IKBKB: variants seen among roughly 807,000 people sequenced by gnomAD.
IKBKB encodes inhibitor of nuclear factor kappa-B kinase subunit beta.
IKBKB carries 42 observed loss-of-function variants against 113.6 expected under a neutral mutation model. The ratio of observed to expected loss-of-function variants is 0.37; its 90% CI spans 0.29 to 0.48. IKBKB has a LOEUF of 0.48. Ranked by LOEUF, IKBKB falls within the 20% of genes least tolerant of loss-of-function variation. The probability of loss-of-function intolerance (pLI) is 0.99; values close to 1 mark genes in which losing one functional copy is unlikely to be tolerated. For missense variants in IKBKB, 673 were observed against 939.7 expected, an observed-to-expected ratio of 0.72 and a Z score of 3.71; for synonymous variants, 296 against 361.3, an observed-to-expected ratio of 0.82 and a Z score of 2.05.
intron 8 of IKBKB, 23 bp downstream of exon 8, chr8:42,309,048 G>T: frequency 6.2e-7 from 1 of 1,609,118 alleles, no homozygotes. Flanking sequence ...GGGGCACCTG[G>T]ATGGAGGAGG....
At chr8:42,308,832 G>A (rs1370143409) in intron 7 of IKBKB, 69 bp from the exon 8 acceptor site, 13 of 1,500,078 alleles carry the variant, frequency 8.7e-6, no homozygotes, top group Non-Finnish European at 9.2e-6. Flanking sequence ...CAGATGGGCT[G>A]GCCGCCCCCT....
At chr8:42,303,235 G>T (rs1254342310) in intron 5 of IKBKB, among the ~76,000 whole-genome samples, 1 of 152,194 alleles carries the variant, frequency 6.6e-6, no homozygotes, top group Admixed American at 6.5e-5. Flanking sequence ...ACCTCTGAAT[G>T]TTACTGCTTT....
intron 2 of IKBKB, among the ~76,000 whole-genome samples, chr8:42,286,476 G>A (rs1470366438): frequency 1.3e-5 from 2 of 152,134 alleles, no homozygotes; most frequent in African/African-American, 2.4e-5. Flanking sequence ...TCCTCTGTGT[G>A]TCTTTTTTTG....
In IKBKB at chr8:42,272,119, C is replaced by A; in HGVS notation, c.19C>A (p.Leu7Met). Residue 7 changes from leucine (L) to methionine (M), a missense_variant, in exon 2 of 22, where the codon CTG (leucine) becomes ATG (methionine). This residue lies in a region of IKBKB where 167 missense variants were observed against 301.0 expected (regional missense o/e 0.55). Coordinates refer to ENST00000520810, the MANE Select transcript of IKBKB (RefSeq NM_001556.3). The stretch of plus-strand genomic sequence containing the variant: ...CATCAGTATGAGCTGGTCACCTTCC[C>A]TGACAACGCAGACATGTGGGGCCTG... MSWSPSLTTQTCGAWEM... is the reference protein window; with the variant it reads MSWSPSMTTQTCGAWEM... The A allele has an allele frequency of 6.2e-7, 1 of 1,614,170 alleles. No homozygotes were observed. The highest frequency in any genetic ancestry group is 8.5e-7 in the Non-Finnish European group (1 of 1,180,020).
intron 5 of IKBKB, among the ~76,000 whole-genome samples, chr8:42,302,353 A>G (rs1815395600): frequency 6.6e-6 from 1 of 152,222 alleles, no homozygotes; most frequent in Non-Finnish European, 1.5e-5. Flanking sequence ...CCTCATCTGG[A>G]CATTAATTGG....
chr8:42,272,787 G>T (rs1482009759), intron 2 of IKBKB, among the ~76,000 whole-genome samples: 1 of 151,492 alleles, frequency 6.6e-6, no homozygotes, highest in East Asian at 1.9e-4. Context: ...AAAATACAAA[G>T]AATTAGCCAG....
At position 42,313,214 on chromosome 8, in the gene IKBKB, G is replaced by T. The variant is rs576179803; in HGVS notation, c.693-1108G>T. Among the ~76,000 whole-genome samples, 6 of 152,254 alleles carry T rather than the reference G, an allele frequency of 3.9e-5. No homozygotes were observed. In the East Asian group the frequency reaches 1.2e-3, roughly 29 times the overall value. On this transcript the variant is annotated intron_variant, in intron 8 of 21. Transcript: ENST00000520810. ...CCCTATAATCCTAGCACTCTGTGAG[G>T]CCAAAGTGAGCGAATTGCTTGAGTC...
intron 12 of IKBKB, 69 bp from the exon 13 acceptor site, chr8:42,318,483 A>G: frequency 6.4e-7 from 1 of 1,557,638 alleles, no homozygotes; most frequent in East Asian, 2.3e-5. Context: ...TGTCGAAGGC[A>G]GGATATGGTT....
At chr8:42,298,332 C>A (rs2130428728) in intron 5 of IKBKB, 1 of 985,442 alleles carries the variant, frequency 1.0e-6, no homozygotes. Flanking sequence ...ATCCTGTGCT[C>A]CAGGCCTTTC....
chr8:42,279,115 G>A (rs572295226), intron 2 of IKBKB, among the ~76,000 whole-genome samples: 8 of 152,322 alleles, frequency 5.3e-5, no homozygotes, highest in Non-Finnish European at 1.2e-4. Flanking sequence ...ATGCCTACCC[G>A]TGAGCCCGGC....
chr8:42,300,865 T>C (rs1815052576), intron 5 of IKBKB, among the ~76,000 whole-genome samples: 2 of 152,180 alleles, frequency 1.3e-5, no homozygotes, highest in Non-Finnish European at 1.5e-5. Context: ...AGTTTTTGCA[T>C]TTTTCTAGAG....
chr8:42,282,033 A>G (rs1373145281), intron 2 of IKBKB, among the ~76,000 whole-genome samples: 1 of 152,122 alleles, frequency 6.6e-6, no homozygotes, highest in Non-Finnish European at 1.5e-5. Context: ...ACCTTATGAC[A>G]CACATGCTTA....
At chr8:42,312,726 G>C (rs939775843) in intron 8 of IKBKB, among the ~76,000 whole-genome samples, 12 of 152,220 alleles carry the variant, frequency 7.9e-5, no homozygotes, top group Admixed American at 2.6e-4. Flanking sequence ...AGAGCTGTCA[G>C]AGTTTCAGCC....
intron 19 of IKBKB, among the ~76,000 whole-genome samples, chr8:42,323,952 A>G (rs1383755443): frequency 6.6e-6 from 1 of 152,232 alleles, no homozygotes; most frequent in Non-Finnish European, 1.5e-5. Flanking sequence ...AGGGGCACAG[A>G]CAGAGGCATG....
intron 5 of IKBKB, among the ~76,000 whole-genome samples, chr8:42,295,525 G>T (rs1378823364): frequency 6.6e-6 from 1 of 152,156 alleles, no homozygotes; most frequent in Admixed American, 6.5e-5. Flanking sequence ...AGGAGTTCAA[G>T]ACCAGCCTGA....
intron 8 of IKBKB, among the ~76,000 whole-genome samples, chr8:42,310,014 C>G (rs969641793): frequency 2.6e-5 from 4 of 152,150 alleles, no homozygotes; most frequent in African/African-American, 9.7e-5. Flanking sequence ...AGCCATCCCA[C>G]AATGTGTACA....
intron 7 of IKBKB, 64 bp from the exon 8 acceptor site, chr8:42,308,837 C>T (rs777769526): frequency 8.2e-5 from 126 of 1,529,100 alleles, no homozygotes; most frequent in Non-Finnish European, 1.1e-4. Flanking sequence ...GGGCTGGCCG[C>T]CCCCTCCTGC....
chr8:42,317,627 A>C, intron 11 of IKBKB, 30 bp from the exon 12 acceptor site: 1 of 1,414,940 alleles, frequency 7.1e-7, no homozygotes, highest in Non-Finnish European at 1.0e-6. Flanking sequence ...TTGGATCCAC[A>C]AGATTCATTT....
At chr8:42,325,930 C>A (rs760152026) in intron 19 of IKBKB, 40 bp from the exon 20 acceptor site, 26 of 1,611,488 alleles carry the variant, frequency 1.6e-5, no homozygotes, top group Middle Eastern at 1.6e-4. Flanking sequence ...AAATGTGATT[C>A]ATCACTTGGC....
Sources: gnomAD v4.1 joint callset for allele counts (sites outside exome capture counted in the v4.1 genomes callset) on GRCh38, gnomAD v4.1.1 for gene constraint, gnomAD v4.1.1 regional missense constraint, MANE v1.5 for transcripts, NCBI Gene and HGNC (gene_info 2026-07-23, HGNC 2026-07-21) for gene names.